The following KHDRBS2 variants were observed in gnomAD, a reference collection of about 807,000 sequenced individuals.
KHDRBS2 encodes KH RNA binding domain containing, signal transduction associated 2.
In KHDRBS2, 26 loss-of-function variants were observed where a neutral mutation model predicts 44.3. The observed-to-expected ratio is 0.59, with a 90% CI of 0.43 to 0.81. The LOEUF (loss-of-function observed/expected upper bound fraction) is 0.81, where lower values mean the gene tolerates loss of function less well. KHDRBS2 is among the 40% of genes least tolerant of loss of function. The probability of loss-of-function intolerance (pLI) is 0.00; values close to 1 mark genes in which losing one functional copy is unlikely to be tolerated. For synonymous variants in KHDRBS2, 194 were observed against 151.1 expected, an observed-to-expected ratio of 1.28 and a Z score of -2.08; for missense variants, 476 against 433.1, an observed-to-expected ratio of 1.10 and a Z score of -0.88.
At chr6:62,195,142 C>T (rs765432952) in intron 1 of KHDRBS2, among the ~76,000 whole-genome samples, 5 of 151,974 alleles carry the variant, frequency 3.3e-5, no homozygotes, top group Non-Finnish European at 7.4e-5. Context: ...CAAGCCATGC[C>T]CTTATTTGTT....
chr6:62,099,501 T>A (rs1801381894), intron 2 of KHDRBS2, among the ~76,000 whole-genome samples: 1 of 152,164 alleles, frequency 6.6e-6, no homozygotes, highest in South Asian at 2.1e-4. Context: ...GGCAATATAT[T>A]CTGCTGGGTC....
At chr6:61,662,855 A>G in the KHDRBS2 span, among the ~76,000 whole-genome samples, 138 of 151,894 alleles carry the variant, frequency 9.1e-4, 1 homozygote, top group South Asian at 1.7e-3. Flanking sequence ...TTCCTCAGGG[A>G]TCTAGAACTA....
At chr6:62,006,370 G>A (rs142099341) in intron 3 of KHDRBS2, among the ~76,000 whole-genome samples, 85 of 152,004 alleles carry the variant, frequency 5.6e-4, no homozygotes, top group African/African-American at 2.0e-3. Flanking sequence ...ACATTTTCAG[G>A]TAAATAAAAC....
chr6:62,135,776 G>C (rs1811385767), intron 2 of KHDRBS2, among the ~76,000 whole-genome samples: 1 of 152,044 alleles, frequency 6.6e-6, no homozygotes. Context: ...CCACAGAGTG[G>C]ATGACCTAGA....
the KHDRBS2 span, among the ~76,000 whole-genome samples, chr6:61,622,828 AAGAACGTC>A: frequency 6.6e-6 from 1 of 151,520 alleles, no homozygotes; most frequent in Non-Finnish European, 1.5e-5. Flanking sequence ...CTGCATCACC[AAGAACGTC>A]AGTGGTAGCT....
At chr6:61,635,237 A>G in the KHDRBS2 span, among the ~76,000 whole-genome samples, 1 of 152,072 alleles carries the variant, frequency 6.6e-6, no homozygotes, top group African/African-American at 2.4e-5. Flanking sequence ...ATTGGTAAAC[A>G]AAGAATAGAA....
At chr6:61,839,531 T>G (rs1793266940) in intron 6 of KHDRBS2, among the ~76,000 whole-genome samples, 1 of 152,146 alleles carries the variant, frequency 6.6e-6, no homozygotes, top group African/African-American at 2.4e-5. Context: ...AAACATAACT[T>G]GGCTATTTAT....
intron 3 of KHDRBS2, among the ~76,000 whole-genome samples, chr6:62,037,941 T>C (rs1359870844): frequency 6.6e-6 from 1 of 152,006 alleles, no homozygotes. Flanking sequence ...TAAAAGGAAA[T>C]CTATTCATAA....
chr6:61,737,514 T>A (rs1775549202), intron 6 of KHDRBS2, among the ~76,000 whole-genome samples: 1 of 152,098 alleles, frequency 6.6e-6, no homozygotes, highest in Non-Finnish European at 1.5e-5. Flanking sequence ...TAACAACGTT[T>A]AAGATGTCAA....
chr6:61,783,950 G>A (rs1480989816), intron 6 of KHDRBS2, among the ~76,000 whole-genome samples: 1 of 151,882 alleles, frequency 6.6e-6, no homozygotes, highest in Non-Finnish European at 1.5e-5. Flanking sequence ...GTGAATCACT[G>A]AAGCAATTGG....
At chr6:61,849,374 T>C (rs1795123152) in intron 6 of KHDRBS2, among the ~76,000 whole-genome samples, 1 of 152,084 alleles carries the variant, frequency 6.6e-6, no homozygotes, top group Non-Finnish European at 1.5e-5. Flanking sequence ...AATATTTTCC[T>C]TATTAACAGA....
chr6:62,177,226 G>A lies in KHDRBS2; in HGVS notation c.178C>T (p.Leu60Phe), dbSNP rs140624162. Residue 60 changes from leucine to phenylalanine, a missense_variant, in exon 2 of 9, where the codon CTC (leucine) becomes TTC (phenylalanine). Leu to Phe is a conservative substitution (Grantham distance 22). Transcript: ENST00000281156. Reference protein sequence around the residue: ...LDVISNKNIKLSERVLIPVKQ... With the variant: ...LDVISNKNIKFSERVLIPVKQ... ...ACAGGAATCAGTACTCTTTCTGAGAGCTTTATGTTTTTGTTGCTGATGACA... is the reference window on the plus strand; with the variant it reads ...ACAGGAATCAGTACTCTTTCTGAGAACTTTATGTTTTTGTTGCTGATGACA... 1 of 1,593,684 alleles carries A rather than the reference G, an allele frequency of 6.3e-7. No individual in the cohort carries two copies. The highest frequency in any genetic ancestry group is 8.6e-7 in the Non-Finnish European group (1 of 1,163,448).
At chr6:62,238,543 T>C (rs1158108890) in intron 1 of KHDRBS2, among the ~76,000 whole-genome samples, 1 of 152,164 alleles carries the variant, frequency 6.6e-6, no homozygotes, top group Non-Finnish European at 1.5e-5. Flanking sequence ...GAAAAACTCT[T>C]ATTTACAGAA....
At chr6:61,664,340 C>G in the KHDRBS2 span, among the ~76,000 whole-genome samples, 9 of 151,562 alleles carry the variant, frequency 5.9e-5, no homozygotes, top group African/African-American at 2.2e-4. Context: ...TATATTTATC[C>G]ATTGTTATTC....
intron 2 of KHDRBS2, among the ~76,000 whole-genome samples, chr6:62,102,086 T>C (rs1245279758): frequency 2.0e-5 from 3 of 152,230 alleles, no homozygotes; most frequent in Non-Finnish European, 4.4e-5. Flanking sequence ...TAAATCATTT[T>C]TTCTATGTTT....
intron 2 of KHDRBS2, among the ~76,000 whole-genome samples, chr6:62,069,574 T>A (rs1368762618): frequency 6.6e-6 from 1 of 151,750 alleles, no homozygotes; most frequent in African/African-American, 2.4e-5. Flanking sequence ...TTTAACAAAA[T>A]GAAAAATACA....
the KHDRBS2 span, among the ~76,000 whole-genome samples, chr6:61,640,185 A>T: frequency 7.2e-5 from 11 of 152,150 alleles, no homozygotes; most frequent in Admixed American, 1.3e-4. Flanking sequence ...AAGTATGAGG[A>T]ATAATAAAAA....
chr6:61,816,436 G>T (rs763594375), intron 6 of KHDRBS2, among the ~76,000 whole-genome samples: 19 of 151,972 alleles, frequency 1.3e-4, no homozygotes, highest in Non-Finnish European at 2.4e-4. Flanking sequence ...GAAGAAACTG[G>T]AGTAATGCAG....
intron 1 of KHDRBS2, among the ~76,000 whole-genome samples, chr6:62,188,184 A>G (rs1563028337): frequency 3.3e-5 from 5 of 152,024 alleles, no homozygotes; most frequent in Non-Finnish European, 7.4e-5. Flanking sequence ...TCCACCTTCA[A>G]CACTGGGGAT....
Sources: allele counts gnomAD v4.1 joint callset (sites outside exome capture counted in the v4.1 genomes callset), GRCh38; gene constraint gnomAD v4.1.1; transcripts MANE v1.5; gene names NCBI Gene and HGNC (gene_info 2026-07-23, HGNC 2026-07-21).